KDM5B: variants seen among roughly 807,000 people sequenced by gnomAD.
KDM5B encodes the protein lysine demethylase 5B, also known as lysine-specific demethylase 5B.
Under a neutral mutation model 193.4 loss-of-function variants are expected in KDM5B, and 144 were observed. The ratio of observed to expected loss-of-function variants is 0.74; its 90% CI spans 0.65 to 0.86. The LOEUF (loss-of-function observed/expected upper bound fraction) is 0.86. Among genes scored for constraint, KDM5B ranks in the 40% least tolerant of loss-of-function variants. KDM5B has a pLI of 0.00. For synonymous variants in KDM5B, 668 were observed against 682.6 expected, an observed-to-expected ratio of 0.98 and a Z score of 0.33; for missense variants, 1,833 against 1,886.9, an observed-to-expected ratio of 0.97 and a Z score of 0.53.
intron 16 of KDM5B, among the ~76,000 whole-genome samples, chr1:202,744,223 A>G (rs1655461082): frequency 6.6e-6 from 1 of 152,266 alleles, no homozygotes; most frequent in African/African-American, 2.4e-5. Flanking sequence ...ATCATATGAA[A>G]AAAAGCTCAA....
intron 4 of KDM5B, among the ~76,000 whole-genome samples, chr1:202,770,368 G>C (rs1173158301): frequency 6.6e-6 from 1 of 152,076 alleles, no homozygotes; most frequent in Non-Finnish European, 1.5e-5. Flanking sequence ...CTTTTCTCAA[G>C]CTTCCTGAAA....
chr1:202,800,331 C>A (rs878893201), intron 1 of KDM5B, among the ~76,000 whole-genome samples: 1 of 151,094 alleles, frequency 6.6e-6, no homozygotes, highest in East Asian at 2.0e-4. Context: ...TGTGAGCCAC[C>A]GCACCCAGCC....
At chr1:202,752,760 T>C (rs1655842634) in intron 12 of KDM5B, 145 bp downstream of exon 12, 2 of 719,120 alleles carry the variant, frequency 2.8e-6, no homozygotes, top group Admixed American at 2.8e-5. Flanking sequence ...AAATGTACAG[T>C]ACTGCAGCAA....
chr1:202,746,737 TAAAA>T (rs1655576335), intron 14 of KDM5B: 1 of 154,566 alleles, frequency 6.5e-6, no homozygotes, highest in Non-Finnish European at 1.4e-5. Context: ...AGGACAAAAA[TAAAA>T]GGAAAGAAGA....
chr1:202,792,312 G>A lies in KDM5B; in HGVS notation c.205-15218C>T, dbSNP rs1243282119. The stretch of plus-strand genomic sequence containing the variant: ...ACCTGTCATGAAATTACCTAAACCA[G>A]TGGGTCTCAAACCTAGCAGAGCTTC... On this transcript the variant is annotated intron_variant, in intron 1 of 26. Transcript: ENST00000367265. Among the ~76,000 whole-genome samples the A allele has an allele frequency of 2.7e-5, 4 of 148,058 alleles. No individual in the cohort carries two copies. In the East Asian group the frequency reaches 7.9e-4, roughly 29 times the overall value.
At chr1:202,786,272 A>C (rs1369793878) in intron 1 of KDM5B, among the ~76,000 whole-genome samples, 2 of 151,806 alleles carry the variant, frequency 1.3e-5, no homozygotes, top group East Asian at 3.9e-4. Flanking sequence ...GGCCTCCCAA[A>C]GTGCTGGGAT....
rs749463501 is a variant in KDM5B at position 202,764,112 on chromosome 1, T to C, written c.745A>G (p.Thr249Ala). 1.3e-6 allele frequency: 2 copies of C among 1,577,108 alleles called. No individual in the cohort carries two copies. The highest frequency in any genetic ancestry group is 1.7e-6 in the Non-Finnish European group (2 of 1,161,946). Reference protein sequence around the residue: ...MNIKIEPEETTEARTHNLRRR... With the variant: ...MNIKIEPEETAEARTHNLRRR... ...CTCAGATTATGAGTTCTGGCTTCCG[T>C]TGTCTCCTCGGGTTCTATTTTAATA... The change falls in exon 6 of 27, where the codon ACG becomes GCG. Residue 249 changes from threonine (T) to alanine (A), a missense_variant. By Grantham distance (58) the Thr-to-Ala change is moderately conservative. Coordinates refer to ENST00000367265, the MANE Select transcript of KDM5B (RefSeq NM_006618.5).
At position 202,741,200 on chromosome 1, in the gene KDM5B, C is replaced by G. The variant is rs113277570; in HGVS notation, c.2945+167G>C. 9.8e-5 allele frequency among the ~76,000 whole-genome samples: 15 copies of G among 152,328 alleles called. 2 individuals are homozygous for G. The highest frequency in any genetic ancestry group is 3.6e-4 in the African/African-American group (15 of 41,580). ...ATAAGAAAAAATTAACATTCTTTTA[C>G]TCAGGTCCCAAAGCAGCTCCAAATA... On this transcript the variant is annotated intron_variant, in intron 19 of 26. Transcript: ENST00000367265.
intron 4 of KDM5B, among the ~76,000 whole-genome samples, chr1:202,770,291 C>T (rs1656658331): frequency 6.6e-6 from 1 of 152,178 alleles, no homozygotes; most frequent in Non-Finnish European, 1.5e-5. Flanking sequence ...AGAGCAATCC[C>T]TTAAAACATT....
intron 14 of KDM5B, among the ~76,000 whole-genome samples, chr1:202,748,523 A>C (rs1205666848): frequency 6.6e-6 from 1 of 151,446 alleles, no homozygotes; most frequent in Non-Finnish European, 1.5e-5. Context: ...AAAAAAAAAA[A>C]CTGGTATGCA....
chr1:202,780,582 C>A (rs1295132738), intron 1 of KDM5B, among the ~76,000 whole-genome samples: 2 of 152,026 alleles, frequency 1.3e-5, no homozygotes, highest in Non-Finnish European at 2.9e-5. Context: ...TGCAAAATTC[C>A]TTCAAGTTAA....
intron 1 of KDM5B, among the ~76,000 whole-genome samples, chr1:202,784,703 G>A (rs1657334183): frequency 6.6e-6 from 1 of 152,170 alleles, no homozygotes; most frequent in Non-Finnish European, 1.5e-5. Context: ...ACTGATAGGT[G>A]TCTATCAGAA....
chr1:202,736,606 G>C (rs576674448), intron 20 of KDM5B, among the ~76,000 whole-genome samples: 1 of 151,836 alleles, frequency 6.6e-6, no homozygotes, highest in African/African-American at 2.4e-5. Flanking sequence ...AGAGAACCTA[G>C]TTTGGGTCTT....
At position 202,779,840 on chromosome 1, in the gene KDM5B, T is replaced by TAAAA. The variant is rs1461651907; in HGVS notation, c.205-2747_205-2746insTTTT. ...ATAAATAAATAAATAAATAAATAAA[T>TAAAA]AAATAAAAAATAAAGGAAGAAAAAA... On this transcript the variant is annotated intron_variant, in intron 1 of 26. Transcript: ENST00000367265. Among the ~76,000 whole-genome samples the TAAAA allele has an allele frequency of 1.8e-3, 226 of 123,722 alleles. 1 individual carries two copies. Among genetic ancestry groups the TAAAA allele is most frequent in the African/African-American group, 5.7e-3 (215 of 37,808 alleles). The allele number at this position is 123,722 out of a possible 152,430, so 81.2% of individuals were successfully genotyped here. A position where few individuals can be genotyped will look rare whatever the true frequency, so the allele number is the denominator to read the frequency against.
intron 1 of KDM5B, among the ~76,000 whole-genome samples, chr1:202,784,734 T>C (rs1657336240): frequency 6.6e-6 from 1 of 152,182 alleles, no homozygotes; most frequent in Admixed American, 6.5e-5. Context: ...CGACAAAGAA[T>C]TGCATTCAAA....
rs960219126 is a variant in KDM5B, at chr1:202,752,943, T to G, written c.1663A>C (p.Ile555Leu). 2 of 1,614,144 alleles carry G rather than the reference T, an allele frequency of 1.2e-6. No individual in the cohort carries two copies. Among genetic ancestry groups the G allele is most frequent in the Non-Finnish European group, 1.7e-6 (2 of 1,180,006 alleles). The change falls in exon 12 of 27, where the codon ATC becomes CTC. Residue 555 changes from isoleucine to leucine, a missense_variant. Physicochemically the swap from Ile to Leu is conservative, Grantham distance 5. This residue lies in a region of KDM5B where 1,379 missense variants were observed against 1,349.6 expected (regional missense o/e 1.02). Coordinates refer to ENST00000367265, the MANE Select transcript of KDM5B (RefSeq NM_006618.5). ...QPDLLHQLVTIMNPNTLMTHE... is the reference protein window; with the variant it reads ...QPDLLHQLVTLMNPNTLMTHE... ...GTCATCAGGGTATTGGGGTTCATGA[T>G]GGTCACAAGCTGATGGAGGAGATCC...
At chr1:202,793,723 T>C (rs1395038486) in intron 1 of KDM5B, among the ~76,000 whole-genome samples, 1 of 152,210 alleles carries the variant, frequency 6.6e-6, no homozygotes, top group Non-Finnish European at 1.5e-5. Context: ...CCAAATTATC[T>C]TAGAATCCTA....
At chr1:202,770,324 T>C (rs867962460) in intron 4 of KDM5B, among the ~76,000 whole-genome samples, 9 of 152,148 alleles carry the variant, frequency 5.9e-5, no homozygotes, top group African/African-American at 1.7e-4. Context: ...TGATGCAAGA[T>C]TGAGGCCTCT....
chr1:202,775,777 A>G (rs1656917348), intron 2 of KDM5B, among the ~76,000 whole-genome samples: 1 of 143,190 alleles, frequency 7.0e-6, no homozygotes, highest in Non-Finnish European at 1.5e-5. Context: ...AATCACTTGA[A>G]CCTAAGAGGC....
Sources: allele counts gnomAD v4.1 joint callset (sites outside exome capture counted in the v4.1 genomes callset), GRCh38; gene constraint gnomAD v4.1.1; regional missense constraint gnomAD v4.1.1; transcripts MANE v1.5; gene names NCBI Gene and HGNC (gene_info 2026-07-23, HGNC 2026-07-21).